Variants in LY6S observed in about 807,000 individuals in gnomAD.
LY6S encodes lymphocyte antigen 6S.
At chr8:143,067,643 G>A in the LY6S span, among the ~76,000 whole-genome samples, 1 of 152,218 alleles carries the variant, frequency 6.6e-6, no homozygotes, top group African/African-American at 2.4e-5. Context: ...AGGATTTATT[G>A]ATCACTATTT....
chr8:143,066,890 G>A, the LY6S span, among the ~76,000 whole-genome samples: 1 of 152,156 alleles, frequency 6.6e-6, no homozygotes, highest in Non-Finnish European at 1.5e-5. Flanking sequence ...AGCCCAGGGT[G>A]GAATGATATG....
the LY6S span, among the ~76,000 whole-genome samples, chr8:143,055,170 C>G: frequency 6.6e-6 from 1 of 152,144 alleles, no homozygotes; most frequent in South Asian, 2.1e-4. Context: ...ACACTTTTAG[C>G]CTTAACTTTT....
At chr8:143,057,028 A>G in the LY6S span, 2 of 246,456 alleles carry the variant, frequency 8.1e-6, no homozygotes, top group African/African-American at 2.3e-5. Flanking sequence ...AGGTTTGCCC[A>G]TCTTCCTGTT....
chr8:143,058,550 T>C, the LY6S span, among the ~76,000 whole-genome samples: 20 of 152,276 alleles, frequency 1.3e-4, no homozygotes, highest in South Asian at 2.1e-4. Flanking sequence ...GTGTACAGGA[T>C]GGAACATGAA....
the LY6S span, among the ~76,000 whole-genome samples, chr8:143,069,601 C>A: frequency 6.6e-6 from 1 of 152,206 alleles, no homozygotes; most frequent in African/African-American, 2.4e-5. Context: ...CCAAGACAGC[C>A]ACCAGGACGG....
the LY6S span, among the ~76,000 whole-genome samples, chr8:143,052,723 A>G: frequency 6.6e-6 from 1 of 152,114 alleles, no homozygotes; most frequent in Non-Finnish European, 1.5e-5. Context: ...TGGAGGCCGC[A>G]ATCCTCCGGC....
At chr8:143,054,561 C>T in the LY6S span, among the ~76,000 whole-genome samples, 7 of 152,330 alleles carry the variant, frequency 4.6e-5, no homozygotes, top group African/African-American at 7.2e-5. Flanking sequence ...CACCACCACA[C>T]GGAGTTGTGG....
the LY6S span, chr8:143,049,322 C>A: frequency 5.6e-6 from 3 of 533,712 alleles, no homozygotes; most frequent in Admixed American, 3.9e-5. Context: ...GAAAAGACAT[C>A]TTTTGTTACA....
At chr8:143,074,175 C>G in the LY6S span, among the ~76,000 whole-genome samples, 4 of 152,130 alleles carry the variant, frequency 2.6e-5, no homozygotes, top group African/African-American at 9.7e-5. Context: ...GTTAATGTCT[C>G]TTACCAATTT....
chr8:143,040,928 T>C, the LY6S span, among the ~76,000 whole-genome samples: 1 of 152,084 alleles, frequency 6.6e-6, no homozygotes, highest in African/African-American at 2.4e-5. Flanking sequence ...AAATTTTTAT[T>C]AGTGATTTTC....
the LY6S span, among the ~76,000 whole-genome samples, chr8:143,043,576 C>A: frequency 6.6e-6 from 1 of 152,206 alleles, no homozygotes; most frequent in Non-Finnish European, 1.5e-5. Flanking sequence ...CTCACCCTGC[C>A]CCGGCCTTGG....
the LY6S span, among the ~76,000 whole-genome samples, chr8:143,054,739 C>T: frequency 7.9e-3 from 1,196 of 152,316 alleles, 15 homozygotes; most frequent in African/African-American, 0.027. Context: ...TTGCGCGAGC[C>T]GCCTCTGAGC....
At chr8:143,064,714 T>G in the LY6S span, among the ~76,000 whole-genome samples, 3 of 152,220 alleles carry the variant, frequency 2.0e-5, no homozygotes, top group Admixed American at 2.0e-4. Context: ...GCAAACCATT[T>G]ATGATCTCCA....
chr8:143,066,011 G>T, the LY6S span: 1 of 358,460 alleles, frequency 2.8e-6, no homozygotes, highest in Non-Finnish European at 5.4e-6. Flanking sequence ...ATCCATTCCT[G>T]ACTACCTTGC....
chr8:143,051,433 C>T, the LY6S span, among the ~76,000 whole-genome samples: 8 of 151,934 alleles, frequency 5.3e-5, no homozygotes, highest in Non-Finnish European at 1.2e-4. Flanking sequence ...CCCAGCTACT[C>T]GGGAGGCTGA....
the LY6S span, among the ~76,000 whole-genome samples, chr8:143,072,067 T>C: frequency 6.6e-6 from 1 of 152,176 alleles, no homozygotes; most frequent in Admixed American, 6.5e-5. Context: ...AGCTTTTATT[T>C]ATCTGAAAAA....
At chr8:143,041,932 G>A in the LY6S span, among the ~76,000 whole-genome samples, 3 of 29,668 alleles carry the variant, frequency 1.0e-4, no homozygotes, top group African/African-American at 1.6e-4. Context: ...CACCCAGGGC[G>A]TTCTCAGCCC....
At chr8:143,063,579 C>T in the LY6S span, among the ~76,000 whole-genome samples, 1 of 152,204 alleles carries the variant, frequency 6.6e-6, no homozygotes, top group African/African-American at 2.4e-5. Context: ...AGGTTGCTCC[C>T]ATCCACAAAC....
the LY6S span, among the ~76,000 whole-genome samples, chr8:143,062,267 G>A: frequency 6.6e-6 from 1 of 152,216 alleles, no homozygotes; most frequent in South Asian, 2.1e-4. Context: ...ACAAGGTAAA[G>A]TGAAATGTTA....
Sources: allele counts gnomAD v4.1 joint callset (sites outside exome capture counted in the v4.1 genomes callset), GRCh38; gene constraint gnomAD v4.1.1; transcripts MANE v1.5; gene names NCBI Gene and HGNC (gene_info 2026-07-23, HGNC 2026-07-21).